Variants in DCLK1 observed in about 807,000 individuals in gnomAD.
The protein encoded by DCLK1 is doublecortin like kinase 1.
A neutral mutation model predicts 86.2 loss-of-function variants in DCLK1; 16 were observed. The ratio of observed to expected loss-of-function variants is 0.19; its 90% CI spans 0.13 to 0.28. DCLK1 has a LOEUF of 0.28. Ranked by LOEUF, DCLK1 falls within the 10% of genes least tolerant of loss-of-function variation. The pLI, the probability that DCLK1 is intolerant of heterozygous loss-of-function variation, is 1.00. For synonymous variants in DCLK1, 369 were observed against 370.5 expected (o/e 1.00, Z 0.05); for missense variants, 590 against 940.2 (o/e 0.63, Z 4.87).
intron 4 of DCLK1, among the ~76,000 whole-genome samples, chr13:35,915,445 A>G (rs569044436): frequency 4.5e-4 from 68 of 152,296 alleles, no homozygotes; most frequent in Non-Finnish European, 7.4e-4. Flanking sequence ...ACACACCTGT[A>G]ATCCCAGCAC....
intron 5 of DCLK1, among the ~76,000 whole-genome samples, chr13:35,858,948 G>A (rs1871233467): frequency 6.6e-6 from 1 of 152,146 alleles, no homozygotes; most frequent in Non-Finnish European, 1.5e-5. Context: ...CATCCAGAAA[G>A]CATTACACAC....
intron 4 of DCLK1, among the ~76,000 whole-genome samples, chr13:35,944,943 C>T (rs1056764271): frequency 2.0e-5 from 3 of 151,960 alleles, no homozygotes; most frequent in African/African-American, 7.3e-5. Context: ...CTCTTGTTAC[C>T]CAGGCTGGAG....
intron 15 of DCLK1, among the ~76,000 whole-genome samples, chr13:35,796,563 G>A (rs1368903954): frequency 6.6e-6 from 1 of 152,146 alleles, no homozygotes; most frequent in Non-Finnish European, 1.5e-5. Flanking sequence ...GTTAACTGCT[G>A]TTTACATGTA....
intron 3 of DCLK1, among the ~76,000 whole-genome samples, chr13:36,065,207 C>T (rs1330132587): frequency 6.6e-6 from 1 of 152,180 alleles, no homozygotes; most frequent in Non-Finnish European, 1.5e-5. Context: ...AATTACTTAA[C>T]CTCTGAGTGC....
At chr13:35,850,420 C>T in intron 6 of DCLK1, 3 of 1,058,232 alleles carry the variant, frequency 2.8e-6, no homozygotes, top group Non-Finnish European at 3.4e-6. Flanking sequence ...TGTTCTTGTA[C>T]TCAATATTGG....
chr13:36,099,643 C>G (rs1593889140), intron 3 of DCLK1, among the ~76,000 whole-genome samples: 1 of 152,174 alleles, frequency 6.6e-6, no homozygotes, highest in South Asian at 2.1e-4. Flanking sequence ...TCTACAAGGA[C>G]TTGCACATTT....
In DCLK1 at chr13:35,885,856, G is replaced by C. The variant is rs562933702; in HGVS notation, c.824-14516C>G. Among the ~76,000 whole-genome samples, 4 of 152,214 alleles carry C rather than the reference G, an allele frequency of 2.6e-5. No individual in the cohort carries two copies. The East Asian group carries it at 7.7e-4, about 29-fold the overall frequency. On this transcript the variant is annotated intron_variant, in intron 4 of 16. Coordinates refer to ENST00000360631, the MANE Select transcript of DCLK1 (RefSeq NM_001330071.2). ...GAAATAAAACTTTGGGAATACTTTT[G>C]ATTGCTTTTCAATAATAAATGATTA... is the stretch of plus-strand genomic sequence containing the variant.
chr13:36,118,474 C>A (rs956087037), intron 2 of DCLK1, among the ~76,000 whole-genome samples: 1 of 152,020 alleles, frequency 6.6e-6, no homozygotes, highest in Non-Finnish European at 1.5e-5. Flanking sequence ...TCCCATACAC[C>A]ACAATAGATA....
At chr13:36,042,391 A>T (rs995470728) in intron 3 of DCLK1, among the ~76,000 whole-genome samples, 21 of 152,204 alleles carry the variant, frequency 1.4e-4, no homozygotes, top group Non-Finnish European at 2.8e-4. Context: ...TAGTGGCTAA[A>T]TTTGAAACCA....
At chr13:36,057,431 A>G (rs1266005276) in intron 3 of DCLK1, among the ~76,000 whole-genome samples, 1 of 152,222 alleles carries the variant, frequency 6.6e-6, no homozygotes, top group Non-Finnish European at 1.5e-5. Flanking sequence ...AATCTATGTA[A>G]CACCACATTT....
At chr13:36,119,711 G>A (rs1180417000) in intron 2 of DCLK1, among the ~76,000 whole-genome samples, 2 of 152,142 alleles carry the variant, frequency 1.3e-5, no homozygotes, top group Non-Finnish European at 2.9e-5. Context: ...TCTTCAAACT[G>A]TCAAGGTCAT....
Position 36,111,859 on chromosome 13 carries a change from T to G in DCLK1, c.723+10A>C. 1 of 1,601,206 alleles carries G rather than the reference T, an allele frequency of 6.2e-7. No individual in the cohort carries two copies. The highest frequency in any genetic ancestry group is 1.3e-5 in the African/African-American group (1 of 74,854). On this transcript the variant is annotated intron_variant, in intron 3 of 16. Coordinates refer to ENST00000360631, the MANE Select transcript of DCLK1 (RefSeq NM_001330071.2). ...TTAAAGTCAAAGTCACATCACAATA[T>G]GTCTCTTACCTGTTTCCCATCCAAC...
chr13:36,072,974 T>C (rs1411854326), intron 3 of DCLK1, among the ~76,000 whole-genome samples: 1 of 152,182 alleles, frequency 6.6e-6, no homozygotes, highest in Non-Finnish European at 1.5e-5. Context: ...TTCTGGGATA[T>C]CTCACCTCAA....
At chr13:36,104,868 C>G (rs893616146) in intron 3 of DCLK1, among the ~76,000 whole-genome samples, 3 of 151,940 alleles carry the variant, frequency 2.0e-5, no homozygotes, top group African/African-American at 7.3e-5. Context: ...GGAAACTATG[C>G]AAAATGACCA....
intron 6 of DCLK1, among the ~76,000 whole-genome samples, chr13:35,854,138 C>T (rs1870873674): frequency 6.6e-6 from 1 of 152,202 alleles, no homozygotes; most frequent in South Asian, 2.1e-4. Flanking sequence ...AGGGCCCTCC[C>T]CTCCATTCAC....
chr13:35,942,728 G>C (rs1216056017), intron 4 of DCLK1, among the ~76,000 whole-genome samples: 1 of 152,082 alleles, frequency 6.6e-6, no homozygotes, highest in Non-Finnish European at 1.5e-5. Context: ...TTTCATCTTA[G>C]TCCAAGGGAC....
rs572332099 is a variant in DCLK1, at chr13:35,871,880, A to G, written c.824-540T>C. ...CTTGGAAGAGGTAAAACTGGTGAAGAGGTGGTATTTCCCTGCTGCAAGGGC... is the reference window on the plus strand; with the variant it reads ...CTTGGAAGAGGTAAAACTGGTGAAGGGGTGGTATTTCCCTGCTGCAAGGGC... On this transcript the variant is annotated intron_variant, in intron 4 of 16. Transcript: ENST00000360631. Among the ~76,000 whole-genome samples, 12 of 152,304 alleles carry G rather than the reference A, an allele frequency of 7.9e-5. No individual in the cohort carries two copies. In the South Asian group the frequency reaches 2.5e-3, roughly 32 times the overall value.
At chr13:35,968,339 T>C (rs1484747968) in intron 3 of DCLK1, among the ~76,000 whole-genome samples, 6 of 152,178 alleles carry the variant, frequency 3.9e-5, no homozygotes, top group African/African-American at 2.4e-5. Flanking sequence ...ATTGTGGACA[T>C]ACTTAATGCC....
chr13:36,008,789 A>G (rs373747767), intron 3 of DCLK1, among the ~76,000 whole-genome samples: 21 of 149,332 alleles, frequency 1.4e-4, no homozygotes, highest in Non-Finnish European at 1.5e-4. Context: ...GATCCCTGAG[A>G]AATCGCCACA....
Sources: allele counts gnomAD v4.1 joint callset (sites outside exome capture counted in the v4.1 genomes callset), GRCh38; gene constraint gnomAD v4.1.1; transcripts MANE v1.5; gene names NCBI Gene and HGNC (gene_info 2026-07-23, HGNC 2026-07-21).